Variants in DMD observed in about 807,000 individuals in gnomAD.
DMD encodes the protein dystrophin.
Under a neutral mutation model 330.1 loss-of-function variants are expected in DMD, and 63 were observed. The observed-to-expected ratio is 0.19, with a 90% CI of 0.16 to 0.24. DMD has a LOEUF of 0.24. DMD is among the 10% of genes least tolerant of loss of function. The probability of loss-of-function intolerance (pLI) is 1.00; values close to 1 mark genes in which losing one functional copy is unlikely to be tolerated. For synonymous variants in DMD, 1,223 were observed against 959.8 expected, an observed-to-expected ratio of 1.27 and a Z score of -5.07; for missense variants, 3,344 against 2,684.1, an observed-to-expected ratio of 1.25 and a Z score of -5.43.
chrX:32,126,190 G>A (rs1290679752), intron 44 of DMD, among the ~76,000 whole-genome samples: 1 of 112,386 alleles, frequency 8.9e-6, no homozygotes, highest in Non-Finnish European at 1.9e-5. Flanking sequence ...ATTGGTACAT[G>A]TGTTTTATAA....
intron 18 of DMD, chrX:32,516,596 T>C (rs1232816021): frequency 8.9e-6 from 1 of 111,837 alleles, no homozygotes; most frequent in African/African-American, 3.2e-5. Context: ...GACAGAAACC[T>C]GTGAGAATCA....
intron 63 of DMD, among the ~76,000 whole-genome samples, chrX:31,252,264 C>T (rs1337833809): frequency 8.9e-6 from 1 of 111,887 alleles, no homozygotes. Flanking sequence ...GAGTAAATCT[C>T]CTGTGCTAAT....
At chrX:31,769,076 G>C (rs2090178086) in intron 51 of DMD, among the ~76,000 whole-genome samples, 2 of 111,712 alleles carry the variant, frequency 1.8e-5, no homozygotes, top group African/African-American at 6.5e-5. Flanking sequence ...CATACTAAAG[G>C]GGACCATAAG....
At chrX:32,086,311 T>C in intron 44 of DMD, among the ~76,000 whole-genome samples, 1 of 111,996 alleles carries the variant, frequency 8.9e-6, no homozygotes, top group Non-Finnish European at 1.9e-5. Context: ...TTTTATAAAA[T>C]TATTTAAAAT....
At chrX:32,493,131 TA>T (rs769720848) in intron 19 of DMD, among the ~76,000 whole-genome samples, 1 of 111,173 alleles carries the variant, frequency 9.0e-6, no homozygotes, top group Non-Finnish European at 1.9e-5. Context: ...TTTTAAAGAC[TA>T]AAAAAAATAT....
At chrX:31,902,028 C>A (rs2094429755) in intron 47 of DMD, among the ~76,000 whole-genome samples, 2 of 111,252 alleles carry the variant, frequency 1.8e-5, no homozygotes, top group African/African-American at 3.3e-5. Context: ...ATCTCCATTC[C>A]TTTTAGGTAT....
intron 1 of DMD, among the ~76,000 whole-genome samples, chrX:33,237,048 C>T (rs1171545627): frequency 9.0e-6 from 1 of 111,139 alleles, no homozygotes. Context: ...TAGACTATGT[C>T]AGCCCCATTA....
At chrX:32,938,515 G>T (rs1015157078) in intron 2 of DMD, among the ~76,000 whole-genome samples, 2 of 111,163 alleles carry the variant, frequency 1.8e-5, no homozygotes, top group African/African-American at 6.5e-5. Context: ...CTAGCAACTG[G>T]ACTATACCCA....
intron 1 of DMD, among the ~76,000 whole-genome samples, chrX:33,154,793 G>A (rs1488672155): frequency 9.0e-6 from 1 of 111,529 alleles, no homozygotes; most frequent in Non-Finnish European, 1.9e-5. Context: ...TATGGTCAAA[G>A]GCAAGCCCAT....
chrX:32,454,874 A>T, intron 25 of DMD, 42 bp from the exon 26 acceptor site: 1 of 1,168,403 alleles, frequency 8.6e-7, no homozygotes, highest in Non-Finnish European at 1.2e-6. Flanking sequence ...ATTGACAGTG[A>T]TGAAACATTA....
chrX:32,221,658 A>C (rs1193148338), intron 43 of DMD, among the ~76,000 whole-genome samples: 5 of 111,726 alleles, frequency 4.5e-5, no homozygotes, highest in African/African-American at 1.6e-4. Flanking sequence ...CGTGTCACCC[A>C]AGTAGTGTAC....
At chrX:32,356,887 T>A (rs1210731338) in intron 37 of DMD, among the ~76,000 whole-genome samples, 1 of 111,504 alleles carries the variant, frequency 9.0e-6, no homozygotes, top group African/African-American at 3.3e-5. Context: ...ATTATTGAAA[T>A]TTTTTTTAAT....
rs891978948 is a variant in DMD, at chrX:32,830,948, A to G, written c.265-7561T>C. Among the ~76,000 whole-genome samples the G allele has an allele frequency of 3.6e-5, 4 of 111,523 alleles. No homozygotes were observed. The Admixed American group carries it at 3.8e-4, about 11-fold the overall frequency. ...CATAGAAAACCTAATACATTAAATT[A>G]TTCTTTAGTATGGAGTAGTCTCCTG... is the stretch of plus-strand genomic sequence containing the variant. On this transcript the variant is annotated intron_variant, in intron 4 of 78. Transcript: ENST00000357033.
intron 7 of DMD, among the ~76,000 whole-genome samples, chrX:32,798,484 C>T (rs1391945118): frequency 8.9e-6 from 1 of 112,101 alleles, no homozygotes; most frequent in Non-Finnish European, 1.9e-5. Context: ...GATTTCCCAT[C>T]AGGGAAGAGG....
intron 29 of DMD, among the ~76,000 whole-genome samples, chrX:32,431,821 C>T (rs1033152748): frequency 9.0e-6 from 1 of 110,828 alleles, no homozygotes; most frequent in Non-Finnish European, 1.9e-5. Context: ...ACTCACCGTT[C>T]GTTGTATAGG....
At chrX:31,283,286 G>A (rs780524652) in intron 62 of DMD, among the ~76,000 whole-genome samples, 50 of 111,326 alleles carry the variant, frequency 4.5e-4, no homozygotes, top group Non-Finnish European at 7.6e-4. Flanking sequence ...GTTTGTTTGC[G>A]CAGATGGGGT....
chrX:32,698,991 A>T (rs2063872376), intron 8 of DMD, 121 bp downstream of exon 8: 1 of 623,461 alleles, frequency 1.6e-6, no homozygotes, highest in African/African-American at 2.2e-5. Context: ...TACATACATT[A>T]GGCTTTGTAT....
chrX:31,217,454 T>G (rs1179834488), intron 64 of DMD, among the ~76,000 whole-genome samples: 1 of 111,869 alleles, frequency 8.9e-6, no homozygotes, highest in Non-Finnish European at 1.9e-5. Flanking sequence ...GATCAAGTGC[T>G]TAATAGAGGT....
At chrX:32,937,637 T>G (rs1049078656) in intron 2 of DMD, among the ~76,000 whole-genome samples, 5 of 107,718 alleles carry the variant, frequency 4.6e-5, no homozygotes, top group African/African-American at 1.7e-4. Context: ...AGACATTGGA[T>G]GAGTAGACGA....
Sources: allele counts gnomAD v4.1 joint callset (sites outside exome capture counted in the v4.1 genomes callset), GRCh38; gene constraint gnomAD v4.1.1; transcripts MANE v1.5; gene names NCBI Gene and HGNC (gene_info 2026-07-23, HGNC 2026-07-21).